Variants in CHD1L observed in about 807,000 individuals in gnomAD.
CHD1L encodes chromodomain helicase DNA binding protein 1 like.
Under a neutral mutation model 115.9 loss-of-function variants are expected in CHD1L, and 118 were observed. That is an observed-to-expected ratio of 1.02 (90% confidence interval 0.88 to 1.19). CHD1L has a LOEUF of 1.19. Ranked by LOEUF, CHD1L falls within the 50% of genes most tolerant of loss-of-function variation. The pLI is 0.00. For missense variants in CHD1L, 1,179 were observed against 1,065.3 expected, an observed-to-expected ratio of 1.11 and a Z score of -1.49; for synonymous variants, 411 against 387.1, an observed-to-expected ratio of 1.06 and a Z score of -0.72.
the CHD1L span, among the ~76,000 whole-genome samples, chr1:147,198,451 G>A: frequency 1.3e-5 from 2 of 152,136 alleles, no homozygotes; most frequent in African/African-American, 4.8e-5. Context: ...AAGCACAGTG[G>A]AAGCAAAAGC....
the CHD1L span, among the ~76,000 whole-genome samples, chr1:147,207,175 C>T: frequency 1.3e-5 from 2 of 152,060 alleles, no homozygotes; most frequent in East Asian, 1.9e-4. Flanking sequence ...ACAATATACA[C>T]TGAAGTATTT....
the CHD1L span, chr1:147,190,051 C>CT: frequency 1.2e-5 from 7 of 603,110 alleles, 1 homozygote; most frequent in South Asian, 2.0e-4. Context: ...ATTATTTTTC[C>CT]TTTTTTCTTC....
At chr1:147,262,310 C>G (rs1268252488) in intron 6 of CHD1L, among the ~76,000 whole-genome samples, 2 of 151,548 alleles carry the variant, frequency 1.3e-5, no homozygotes, top group Non-Finnish European at 2.9e-5. Context: ...CTACCAAGAA[C>G]AATTATGTAG....
chr1:147,243,598 G>T (rs988409470), intron 1 of CHD1L, among the ~76,000 whole-genome samples: 5 of 152,088 alleles, frequency 3.3e-5, no homozygotes, highest in African/African-American at 1.2e-4. Flanking sequence ...CTGGGTCTGC[G>T]CTGACTCGCC....
the CHD1L span, among the ~76,000 whole-genome samples, chr1:147,221,750 C>T: frequency 6.6e-6 from 1 of 152,204 alleles, no homozygotes; most frequent in Non-Finnish European, 1.5e-5. Context: ...TGACAGATCT[C>T]ACCTCTTTGA....
the CHD1L span, among the ~76,000 whole-genome samples, chr1:147,229,246 C>A: frequency 6.6e-6 from 1 of 152,244 alleles, no homozygotes; most frequent in Non-Finnish European, 1.5e-5. Context: ...GTTTTCCCAG[C>A]ACCATTTATT....
Position 147,275,344 on chromosome 1 carries a change from T to C in CHD1L, c.1271-10T>C. ...GCTGCTGATTACATTCCTTTTTGCA[T>C]TGTTTTCAGGTGGAGTTGGCATGAA... On this transcript the variant is annotated splice_polypyrimidine_tract_variant and intron_variant, in intron 12 of 22. Transcript: ENST00000369258. 1.2e-6 allele frequency: 2 copies of C among 1,603,838 alleles called. No homozygotes were observed. Among genetic ancestry groups the C allele is most frequent in the South Asian group, 1.1e-5 (1 of 90,878 alleles).
In CHD1L at chr1:147,293,861, C is replaced by T. The variant is rs781853307; in HGVS notation, c.2506+139C>T. The T allele has an allele frequency of 2.6e-4, 175 of 667,234 alleles. 4 individuals are homozygous for T. The highest frequency in any genetic ancestry group is 1.3e-3 in the South Asian group (71 of 54,078). The allele number at this position is 667,234 out of a possible 1,614,324, so 41.3% of individuals were successfully genotyped here. ...CAAACCACAGAAGTGATCACCCCAC[C>T]GTCTTGTAGTCATATAGCCCCTTGT... On this transcript the variant is annotated intron_variant, in intron 21 of 22. Transcript: ENST00000369258.
At chr1:147,179,109 A>C in the CHD1L span, 2 of 1,614,030 alleles carry the variant, frequency 1.2e-6, no homozygotes, top group Non-Finnish European at 8.5e-7. Context: ...GAACTGCTAA[A>C]GGAGAGAAGT....
the CHD1L span, among the ~76,000 whole-genome samples, chr1:147,173,857 C>T: frequency 6.6e-5 from 10 of 152,326 alleles, no homozygotes; most frequent in Non-Finnish European, 1.3e-4. Context: ...AGATTTGATA[C>T]CTTTTCATAT....
At chr1:147,283,291 T>C (rs1681657261) in intron 15 of CHD1L, among the ~76,000 whole-genome samples, 1 of 151,954 alleles carries the variant, frequency 6.6e-6, no homozygotes, top group South Asian at 2.1e-4. Flanking sequence ...TGTGAAGCAA[T>C]TGATCTCTTG....
chr1:147,285,460 A>G lies in CHD1L; in HGVS notation c.1991A>G (p.Gln664Arg), dbSNP rs782647696. Residue 664 changes from glutamine (Q) to arginine (R), a missense_variant, in exon 17 of 23, where the codon CAA (glutamine) becomes CGA (arginine). Coordinates refer to ENST00000369258, the MANE Select transcript of CHD1L (RefSeq NM_004284.6). ...RRRLIEEKKR[Q>R]KEEAEHKKKM... ...AGACTCATAGAGGAGAAGAAGAGGC[A>G]AAAGGAAGAGGCTGAACATAAGAAA... 6.2e-7 allele frequency: 1 copy of G among 1,612,964 alleles called. No individual in the cohort carries two copies. The highest frequency in any genetic ancestry group is 2.2e-5 in the East Asian group (1 of 44,872).
At position 147,295,381 on chromosome 1, in the gene CHD1L, A is replaced by G. The variant is rs7516430; in HGVS notation, c.2616-50A>G. On this transcript the variant is annotated intron_variant, in intron 22 of 22. Transcript: ENST00000369258. Reference sequence around the variant, plus strand: ...TTACTAGAGAACTAGTCGTTTTGGTAAAGTTGGTTTAAAGTGATGACATGT... The same window carrying G: ...TTACTAGAGAACTAGTCGTTTTGGTGAAGTTGGTTTAAAGTGATGACATGT... The G allele has an allele frequency of 0.13, 159,293 of 1,262,668 alleles. 14,998 individuals carry two copies. The highest frequency in any genetic ancestry group is 0.39 in the African/African-American group (26,173 of 67,688). 78.2% of individuals were successfully genotyped at this position (1,262,668 alleles called of 1,614,324 possible).
chr1:147,179,521 G>A, the CHD1L span: 395 of 1,580,582 alleles, frequency 2.5e-4, 1 homozygote, highest in East Asian at 8.3e-3. Context: ...TATGAAGGTG[G>A]CCATGAATTA....
the CHD1L span, among the ~76,000 whole-genome samples, chr1:147,198,694 C>CA: frequency 5.3e-5 from 8 of 151,352 alleles, no homozygotes; most frequent in Non-Finnish European, 8.9e-5. Context: ...ATTAAAAACA[C>CA]AAAAAAACTA....
intron 2 of CHD1L, among the ~76,000 whole-genome samples, chr1:147,254,457 C>G (rs1244995223): frequency 6.6e-6 from 1 of 152,146 alleles, no homozygotes; most frequent in African/African-American, 2.4e-5. Flanking sequence ...GCCTGGCAGG[C>G]AGCAGAGGGC....
the CHD1L span, among the ~76,000 whole-genome samples, chr1:147,232,568 G>A: frequency 6.6e-6 from 1 of 152,020 alleles, no homozygotes; most frequent in Non-Finnish European, 1.5e-5. Flanking sequence ...GGACTGTACT[G>A]CTGCCATCTT....
In CHD1L at chr1:147,264,456, C is replaced by G. The variant is rs1237494067; in HGVS notation, c.611C>G (p.Thr204Ser). Residue 204 changes from threonine to serine, a missense_variant, in exon 7 of 23, where the codon ACT becomes AGT. Thr to Ser is a moderately conservative substitution (Grantham distance 58). Coordinates refer to ENST00000369258, the MANE Select transcript of CHD1L (RefSeq NM_004284.6). ...GTCTTCAGTCTCCTGTTGACCGGAA[C>G]TCCCATCCAGAACAGCCTCCAAGAG... Reference protein sequence around the residue: ...SVVFSLLLTGTPIQNSLQELY... With the variant: ...SVVFSLLLTGSPIQNSLQELY... 3.1e-6 allele frequency: 5 copies of G among 1,613,068 alleles called. No homozygotes were observed.
the CHD1L span, among the ~76,000 whole-genome samples, chr1:147,191,282 TAGTTTAC>T: frequency 1.3e-5 from 2 of 151,786 alleles, no homozygotes; most frequent in African/African-American, 4.9e-5. Context: ...ATGGTTGAAC[TAGTTTAC>T]AGTCCCACCA....
Sources: gnomAD v4.1 joint callset for allele counts (sites outside exome capture counted in the v4.1 genomes callset) on GRCh38, gnomAD v4.1.1 for gene constraint, MANE v1.5 for transcripts, NCBI Gene and HGNC (gene_info 2026-07-23, HGNC 2026-07-21) for gene names.